Variants in LZTFL1 observed in about 807,000 individuals in gnomAD.
LZTFL1 encodes the protein leucine zipper transcription factor-like protein 1.
LZTFL1 carries 25 observed loss-of-function variants against 45.9 expected under a neutral mutation model. That is an observed-to-expected ratio of 0.54 (90% CI 0.40 to 0.76). The LOEUF (loss-of-function observed/expected upper bound fraction) is 0.76. Among genes scored for constraint, LZTFL1 ranks in the 30% least tolerant of loss-of-function variants. LZTFL1 has a pLI of 0.00. For missense variants in LZTFL1, 277 were observed against 331.1 expected, an observed-to-expected ratio of 0.84 and a Z score of 1.27; for synonymous variants, 93 against 117.4, an observed-to-expected ratio of 0.79 and a Z score of 1.35.
intron 2 of LZTFL1, among the ~76,000 whole-genome samples, chr3:45,866,330 T>C (rs1004293167): frequency 2.0e-5 from 3 of 152,194 alleles, no homozygotes; most frequent in Non-Finnish European, 4.4e-5. Context: ...TAATACATGC[T>C]TAATATAGAA....
chr3:45,901,032 A>G lies in LZTFL1; in HGVS notation c.-215+12088T>C, dbSNP rs759011726. 4.3e-6 allele frequency: 7 copies of G among 1,611,662 alleles called. No individual in the cohort carries two copies. In the South Asian group the frequency reaches 6.6e-5, roughly 15 times the overall value. ...CTGGTACTGCACAAGAGTGAAGACC[A>G]TGACCGACATGTTCCTTTTGAATTT... On this transcript the variant is annotated intron_variant, in intron 2 of 4. Transcript: ENST00000472635. The surrounding 1 kb of genome is among the most constrained non-coding windows in gnomAD (Gnocchi z 4.3).
intron 2 of LZTFL1, 41 bp downstream of exon 2, chr3:45,837,886 C>T (rs374682402): frequency 6.4e-7 from 1 of 1,553,120 alleles, no homozygotes; most frequent in African/African-American, 1.4e-5. Flanking sequence ...CAGAAAGAAT[C>T]CATGTTCCTA....
chr3:45,851,169 C>G (rs964887516), intron 4 of LZTFL1, among the ~76,000 whole-genome samples: 6 of 152,008 alleles, frequency 3.9e-5, no homozygotes, highest in African/African-American at 1.4e-4. Context: ...GACCACTGCT[C>G]TAACTCTCTC....
At chr3:45,833,014 T>C (rs1700871901) in intron 5 of LZTFL1, 36 bp downstream of exon 5, 3 of 1,487,280 alleles carry the variant, frequency 2.0e-6, no homozygotes, top group Admixed American at 1.7e-5. Flanking sequence ...CAGGACAGAA[T>C]GAGAGACTTT....
At chr3:45,896,275 T>C (rs926002558) in intron 2 of LZTFL1, among the ~76,000 whole-genome samples, 7 of 152,232 alleles carry the variant, frequency 4.6e-5, no homozygotes, top group African/African-American at 1.4e-4. Flanking sequence ...ATTTGGGATC[T>C]TGGATAATAG....
At chr3:45,868,962 C>T (rs1248246421) in intron 2 of LZTFL1, among the ~76,000 whole-genome samples, 1 of 152,206 alleles carries the variant, frequency 6.6e-6, no homozygotes, top group African/African-American at 2.4e-5. Context: ...CACCCCAGAC[C>T]TACTGACTCA....
intron 3 of LZTFL1, 54 bp downstream of exon 3, chr3:45,835,536 T>C (rs1177784745): frequency 1.3e-6 from 2 of 1,536,182 alleles, no homozygotes; most frequent in African/African-American, 2.7e-5. Context: ...TCACTAACTT[T>C]TAAGATTATG....
chr3:45,866,965 T>G lies in LZTFL1; in HGVS notation c.-214-7949A>C, dbSNP rs113933784. ...GAGTTCGAGACCAGCCTGGGCAACATAGTGAAACCCCATCTTTACTAAAAA... is the reference window on the plus strand; with the variant it reads ...GAGTTCGAGACCAGCCTGGGCAACAGAGTGAAACCCCATCTTTACTAAAAA... On this transcript the variant is annotated intron_variant, in intron 2 of 4. Coordinates refer to the LZTFL1 transcript ENST00000472635. Among the ~76,000 whole-genome samples the G allele has an allele frequency of 2.6e-5, 4 of 151,996 alleles. No homozygotes were observed. The South Asian group carries it at 8.3e-4, about 32-fold the overall frequency.
intron 2 of LZTFL1, among the ~76,000 whole-genome samples, chr3:45,909,342 T>G (rs13321850): frequency 0.028 from 4,204 of 152,182 alleles, 194 homozygotes; most frequent in African/African-American, 0.095. Context: ...GTCAAAAAGG[T>G]TGGGGACCGC....
intron 3 of LZTFL1, 117 bp downstream of exon 3, chr3:45,835,473 C>G (rs571344130): frequency 4.5e-5 from 41 of 906,808 alleles, no homozygotes; most frequent in Non-Finnish European, 7.0e-5. Flanking sequence ...TGCTGTTACC[C>G]TACCCAAATT....
At position 45,901,461 on chromosome 3, in the gene LZTFL1, C is replaced by T. The variant is rs774622553; in HGVS notation, c.-215+11659G>A. 6.2e-7 allele frequency: 1 copy of T among 1,614,156 alleles called. No homozygotes were observed. Among genetic ancestry groups the T allele is most frequent in the South Asian group, 1.1e-5 (1 of 91,088 alleles). The stretch of plus-strand genomic sequence containing the variant: ...CCTGAAGGTCATTCTGGGGTTCTTC[C>T]TTCCCTTCGTGGTCATGGCTTGCTG... On this transcript the variant is annotated intron_variant, in intron 2 of 4. Transcript: ENST00000472635. This position sits in a 1 kb window ranked among gnomAD's most constrained non-coding sequence, Gnocchi z 4.3.
At chr3:45,875,970 C>T (rs1227284700) in intron 2 of LZTFL1, among the ~76,000 whole-genome samples, 1 of 152,190 alleles carries the variant, frequency 6.6e-6, no homozygotes, top group African/African-American at 2.4e-5. Context: ...TCCCAGCTAC[C>T]ACTACTGTGT....
exon 4 of LZTFL1, chr3:45,854,986 A>G (rs971220836): frequency 1.3e-6 from 2 of 1,529,200 alleles, no homozygotes; most frequent in African/African-American, 1.4e-5. Context: ...GTCAACTTAC[A>G]GAGCTTTCTC....
At chr3:45,836,098 C>T (rs368494005) in intron 2 of LZTFL1, among the ~76,000 whole-genome samples, 72 of 152,254 alleles carry the variant, frequency 4.7e-4, no homozygotes, top group African/African-American at 1.7e-3. Flanking sequence ...CCACTGAAAT[C>T]AGTCTTATTA....
intron 2 of LZTFL1, among the ~76,000 whole-genome samples, chr3:45,910,040 T>C (rs1177816147): frequency 6.6e-6 from 1 of 152,042 alleles, no homozygotes; most frequent in Admixed American, 6.5e-5. Context: ...GAGAGGAAGG[T>C]AGGGGCACTG....
intron 3 of LZTFL1, among the ~76,000 whole-genome samples, chr3:45,858,050 T>C (rs939241598): frequency 2.0e-5 from 3 of 152,228 alleles, no homozygotes; most frequent in African/African-American, 7.2e-5. Flanking sequence ...AGAAATGTAT[T>C]AAATCAATTT....
exon 1 of LZTFL1, chr3:45,915,491 C>A (rs188090808): frequency 2.2e-6 from 1 of 456,454 alleles, no homozygotes; most frequent in African/African-American, 2.0e-5. Context: ...CAGAGTCGGC[C>A]TTGGGAGCAG....
intron 2 of LZTFL1, among the ~76,000 whole-genome samples, chr3:45,877,786 C>A (rs1195531658): frequency 1.4e-5 from 2 of 147,912 alleles, no homozygotes; most frequent in African/African-American, 5.0e-5. Flanking sequence ...CTCTTTGTTG[C>A]CCAGGCTGGA....
At chr3:45,832,970 C>A in intron 5 of LZTFL1, 80 bp downstream of exon 5, 1 of 1,068,276 alleles carries the variant, frequency 9.4e-7, no homozygotes, top group Non-Finnish European at 1.4e-6. Flanking sequence ...CTGAAACAAA[C>A]CTTCCACTTC....
Sources: allele counts gnomAD v4.1 joint callset (sites outside exome capture counted in the v4.1 genomes callset), GRCh38; gene constraint gnomAD v4.1.1; non-coding constraint Gnocchi (gnomAD v3.1); transcripts MANE v1.5; gene names NCBI Gene and HGNC (gene_info 2026-07-23, HGNC 2026-07-21).